The following GAS2L1 variants were observed in gnomAD, a reference collection of about 807,000 sequenced individuals.
GAS2L1 encodes the protein growth arrest specific 2 like 1, also known as GAS2-like protein 1.
GAS2L1 carries 26 observed loss-of-function variants against 44.0 expected under a neutral mutation model. The ratio of observed to expected loss-of-function variants is 0.59; its 90% CI spans 0.43 to 0.82. The LOEUF (loss-of-function observed/expected upper bound fraction) is 0.82. GAS2L1 is among the 40% of genes least tolerant of loss of function. GAS2L1 has a pLI of 0.00. For missense variants in GAS2L1, 1,006 were observed against 983.0 expected (o/e 1.02, Z -0.31); for synonymous variants, 426 against 415.9 (o/e 1.02, Z -0.30).
At chr22:29,311,250 T>C in intron 4 of GAS2L1, 1 of 584,792 alleles carries the variant, frequency 1.7e-6, no homozygotes, top group South Asian at 2.2e-5. Flanking sequence ...AAGGGGGGTG[T>C]CTAGAGCCCA....
chr22:29,312,166 T>TGGCAAATGTGG lies in GAS2L1; in HGVS notation c.1715_1716insGGCAAATGTGG (p.Leu573AlafsTer47). On this transcript the variant is annotated frameshift_variant, in exon 5 of 5. Coordinates refer to ENST00000618518, the Ensembl canonical transcript of GAS2L1. LOFTEE classifies it high-confidence loss of function. ...AGTTCCTCCTCTTCGTCCCTCAGCG[T>TGGCAAATGTGG]CCTGGGTGGCAAATGTGGCCAACCT... The TGGCAAATGTGG allele has an allele frequency of 6.2e-7, 1 of 1,613,076 alleles. No individual in the cohort carries two copies. The highest frequency in any genetic ancestry group is 8.5e-7 in the Non-Finnish European group (1 of 1,179,836).
In GAS2L1 at chr22:29,310,765, G is replaced by C. The variant is rs376426006; in HGVS notation, c.838+31G>C. ...TGCCAGGGTGGGGCTGGGGCTGGACGGGCAGGGGACTTGCTTCTGTGGCTC... is the reference window on the plus strand; with the variant it reads ...TGCCAGGGTGGGGCTGGGGCTGGACCGGCAGGGGACTTGCTTCTGTGGCTC... On this transcript the variant is annotated intron_variant, in intron 3 of 4. Coordinates refer to ENST00000618518, the Ensembl canonical transcript of GAS2L1. The C allele has an allele frequency of 4.5e-5, 73 of 1,604,720 alleles. No individual in the cohort carries two copies. In the African/African-American group the frequency reaches 8.8e-4, roughly 19 times the overall value.
intron 1 of GAS2L1, 22 bp from the exon 3 acceptor site, chr22:29,310,411 GACCCCT>G (rs1335745100): frequency 7.6e-7 from 1 of 1,309,378 alleles, no homozygotes; most frequent in East Asian, 2.3e-5. Context: ...CTTGACCTCT[GACCCCT>G]ACCCTCTCTC....
In GAS2L1 at chr22:29,310,619, G is replaced by T; in HGVS notation, c.742-19G>T. ...TGCGGGGCGCCCGGGGCACAGCCGT[G>T]ACCTGCCCACACCTGCAGGTGCTGA... On this transcript the variant is annotated intron_variant, in intron 2 of 4. Coordinates refer to ENST00000618518, the Ensembl canonical transcript of GAS2L1. 1 of 1,601,032 alleles carries T rather than the reference G, an allele frequency of 6.2e-7. No homozygotes were observed. Among genetic ancestry groups the T allele is most frequent in the South Asian group, 1.1e-5 (1 of 90,628 alleles).
exon 5 of GAS2L1, chr22:29,312,555 A>C: frequency 2.3e-6 from 3 of 1,297,008 alleles, no homozygotes; most frequent in East Asian, 2.6e-5. Flanking sequence ...TGTGGCCTTA[A>C]CCCTTCTGCA....
intron 1 of GAS2L1, 191 bp from the exon 3 acceptor site, chr22:29,310,248 A>T (rs1435787375): frequency 2.7e-5 from 9 of 338,060 alleles, no homozygotes; most frequent in Non-Finnish European, 3.7e-5. Flanking sequence ...AACTCAAAAA[A>T]AAAAAAAAAT....
At chr22:29,312,709 AGAG>A (rs2061424431) in exon 5 of GAS2L1, 2 of 420,030 alleles carry the variant, frequency 4.8e-6, no homozygotes, top group Non-Finnish European at 4.2e-6. Flanking sequence ...TGAATGCCTT[AGAG>A]GAGGCCGGGC....
At chr22:29,312,110 T>C in exon 5 of GAS2L1, 4 of 1,612,680 alleles carry the variant, frequency 2.5e-6, no homozygotes, top group Non-Finnish European at 3.4e-6. Flanking sequence ...CCCCCGACCC[T>C]CCAGCTCCTG....
exon 5 of GAS2L1, chr22:29,312,167 C>G: frequency 6.2e-7 from 1 of 1,613,116 alleles, no homozygotes; most frequent in South Asian, 1.1e-5. Context: ...CCCTCAGCGT[C>G]CTGGGTGGCA....
At chr22:29,311,673 C>T (rs1199990036) in exon 5 of GAS2L1, 4 of 1,522,356 alleles carry the variant, frequency 2.6e-6, no homozygotes, top group East Asian at 4.9e-5. Context: ...GTCCCGAGAC[C>T]GGCTGGATCG....
intron 1 of GAS2L1, among the ~76,000 whole-genome samples, chr22:29,309,374 C>T (rs1237236830): frequency 6.6e-6 from 1 of 152,252 alleles, no homozygotes; most frequent in Non-Finnish European, 1.5e-5. Flanking sequence ...TCTCCTCTCC[C>T]AGGATCTGGG....
exon 5 of GAS2L1, chr22:29,312,660 G>A (rs758996364): frequency 1.7e-5 from 8 of 460,632 alleles, no homozygotes; most frequent in Non-Finnish European, 3.0e-5. Context: ...GTACATTCCG[G>A]TTGGGGGATG....
chr22:29,309,752 C>T (rs1362662701), intron 1 of GAS2L1, among the ~76,000 whole-genome samples: 2 of 152,206 alleles, frequency 1.3e-5, no homozygotes, highest in Non-Finnish European at 2.9e-5. Context: ...CCCCCTGCAC[C>T]TGTGTCCTGT....
At chr22:29,311,979 G>T (rs773545274) in exon 5 of GAS2L1, 1 of 1,610,154 alleles carries the variant, frequency 6.2e-7, no homozygotes, top group Non-Finnish European at 8.5e-7. Flanking sequence ...CCTGCAGCTC[G>T]ACCCGCAGCA....
At chr22:29,312,518 C>A (rs2147907873) in exon 5 of GAS2L1, 1 of 1,471,412 alleles carries the variant, frequency 6.8e-7, no homozygotes, top group Non-Finnish European at 9.1e-7. Flanking sequence ...CAGCTGTCCC[C>A]AGACCCCATC....
At chr22:29,309,985 G>A (rs1235088254) in intron 1 of GAS2L1, among the ~76,000 whole-genome samples, 1 of 152,128 alleles carries the variant, frequency 6.6e-6, no homozygotes, top group East Asian at 1.9e-4. Flanking sequence ...TGTGTGGGCC[G>A]GGCGTGGTGG....
exon 5 of GAS2L1, chr22:29,311,755 G>T (rs899416481): frequency 2.7e-5 from 41 of 1,536,622 alleles, no homozygotes; most frequent in Admixed American, 3.9e-5. Context: ...CGGCGGGCCC[G>T]GAGCCAGAGC....
chr22:29,310,632 C>T lies in GAS2L1; in HGVS notation c.742-6C>T, dbSNP rs745422445. ...GGGCACAGCCGTGACCTGCCCACAC[C>T]TGCAGGTGCTGAGGAGCCACGTGAT... On this transcript the variant is annotated splice_region_variant and splice_polypyrimidine_tract_variant and intron_variant, in intron 2 of 4. Coordinates refer to ENST00000618518, the Ensembl canonical transcript of GAS2L1. 2.6e-5 allele frequency: 41 copies of T among 1,604,008 alleles called. No homozygotes were observed. In the African/African-American group the frequency reaches 5.3e-4, roughly 21 times the overall value.
At chr22:29,307,323 C>A (rs1203750364) in exon 1 of GAS2L1, 1 of 152,136 alleles carries the variant, frequency 6.6e-6, no homozygotes, top group African/African-American at 2.4e-5. Context: ...CTGCGGAGGC[C>A]GCTCTGAGTC....
Sources: gnomAD v4.1 joint callset for allele counts (sites outside exome capture counted in the v4.1 genomes callset) on GRCh38, gnomAD v4.1.1 for gene constraint, MANE v1.5 for transcripts, NCBI Gene and HGNC (gene_info 2026-07-23, HGNC 2026-07-21) for gene names.